The following DNAJC10 variants were observed in gnomAD, a reference collection of about 807,000 sequenced individuals.
The protein encoded by DNAJC10 is endoplasmic reticulum disulfide reductase DNAJC10.
In DNAJC10, 101 loss-of-function variants were observed where a neutral mutation model predicts 115.0. The observed-to-expected ratio is 0.88, with a 90% CI of 0.75 to 1.04. DNAJC10 has a LOEUF of 1.04. Among genes scored for constraint, DNAJC10 ranks in the 50% least tolerant of loss-of-function variants. The probability of loss-of-function intolerance (pLI) is 0.00; values close to 1 mark genes in which losing one functional copy is unlikely to be tolerated. For synonymous variants in DNAJC10, 307 were observed against 301.5 expected (o/e 1.02, Z -0.19); for missense variants, 981 against 928.8 (o/e 1.06, Z -0.73).
chr2:182,786,822 A>T lies in DNAJC10; in HGVS notation c.*9690A>T, dbSNP rs900455667. On this transcript the variant is annotated 3_prime_UTR_variant, in exon 24 of 24. Transcript: ENST00000264065. ...ATCCCCTCCTGCTCTCCCTAAAATT[A>T]TGTTGAAATCCTAACCCCCAAGGTA... is the stretch of plus-strand genomic sequence containing the variant. 1.3e-5 allele frequency: 2 copies of T among 152,188 alleles called. No individual in the cohort carries two copies. The highest frequency in any genetic ancestry group is 4.8e-5 in the African/African-American group (2 of 41,434). The allele number at this position is 152,188 out of a possible 1,614,324, so 9.4% of individuals were successfully genotyped here. A position where few individuals can be genotyped will look rare whatever the true frequency, so the allele number is the denominator to read the frequency against.
intron 9 of DNAJC10, among the ~76,000 whole-genome samples, chr2:182,732,211 A>T (rs1302415612): frequency 2.0e-5 from 3 of 152,014 alleles, no homozygotes; most frequent in African/African-American, 7.2e-5. Flanking sequence ...AGGAGGAGAG[A>T]TTGAGAGTAT....
intron 5 of DNAJC10, among the ~76,000 whole-genome samples, chr2:182,726,333 G>C (rs1296126834): frequency 6.6e-6 from 1 of 151,748 alleles, no homozygotes; most frequent in East Asian, 1.9e-4. Flanking sequence ...GCGGTGAGGA[G>C]TTGTTCCTTA....
chr2:182,722,172 G>A, intron 5 of DNAJC10, 97 bp downstream of exon 5: 4 of 887,272 alleles, frequency 4.5e-6, no homozygotes, highest in Non-Finnish European at 7.0e-6. Flanking sequence ...GAAATCTTTT[G>A]GAGTTTCGAA....
Position 182,786,480 on chromosome 2 carries a change from A to G in DNAJC10, c.*9348A>G, listed in dbSNP as rs956142455. The G allele has an allele frequency of 3.9e-5, 6 of 152,226 alleles. No individual in the cohort carries two copies. Among genetic ancestry groups the G allele is most frequent in the African/African-American group, 1.4e-4 (6 of 41,464 alleles). The allele number at this position is 152,226 out of a possible 1,614,324, so 9.4% of individuals were successfully genotyped here. A position where few individuals can be genotyped will look rare whatever the true frequency, so the allele number is the denominator to read the frequency against. ...TAATTGACTAGAGATTGTCTAGTCA[A>G]ACTAGACTGATGAGGTCTCACCATT... is the stretch of plus-strand genomic sequence containing the variant. On this transcript the variant is annotated 3_prime_UTR_variant, in exon 24 of 24. Transcript: ENST00000264065.
chr2:182,766,813 A>G (rs1441067327), intron 22 of DNAJC10, among the ~76,000 whole-genome samples: 1 of 152,002 alleles, frequency 6.6e-6, no homozygotes, highest in Non-Finnish European at 1.5e-5. Context: ...GGTATAATCT[A>G]AGAACTGTCA....
intron 11 of DNAJC10, among the ~76,000 whole-genome samples, chr2:182,738,547 GT>G (rs576492819): frequency 2.0e-4 from 29 of 146,074 alleles, no homozygotes; most frequent in Non-Finnish European, 2.3e-4. Context: ...GTTTTTTTTG[GT>G]TTTTTTTTTT....
Position 182,779,407 on chromosome 2 carries a change from A to G in DNAJC10, c.*2275A>G, listed in dbSNP as rs1268869721. 6.6e-6 allele frequency: 1 copy of G among 152,170 alleles called. No homozygotes were observed. Among genetic ancestry groups the G allele is most frequent in the African/African-American group, 2.4e-5 (1 of 41,442 alleles). 9.4% of individuals were successfully genotyped at this position (152,170 alleles called of 1,614,324 possible). The stretch of plus-strand genomic sequence containing the variant: ...TATCAATTCTAGCTGACCAAAGCAC[A>G]TTCTATCAGGCAGCCAGGCTTGGAA... On this transcript the variant is annotated 3_prime_UTR_variant, in exon 24 of 24. Transcript: ENST00000264065.
intron 19 of DNAJC10, among the ~76,000 whole-genome samples, 187 bp from the exon 20 acceptor site, chr2:182,758,650 G>A (rs1000422377): frequency 6.6e-6 from 1 of 152,134 alleles, no homozygotes; most frequent in Non-Finnish European, 1.5e-5. Context: ...AAGATACCAA[G>A]ACTAGAGAAA....
chr2:182,789,545 A>G lies in DNAJC10; in HGVS notation c.*12413A>G, dbSNP rs1695012809. The G allele has an allele frequency of 6.6e-6, 1 of 152,152 alleles. No homozygotes were observed. The highest frequency in any genetic ancestry group is 2.4e-5 in the African/African-American group (1 of 41,444). The allele number at this position is 152,152 out of a possible 1,614,324, so 9.4% of individuals were successfully genotyped here. A position where few individuals can be genotyped will look rare whatever the true frequency, so the allele number is the denominator to read the frequency against. The stretch of plus-strand genomic sequence containing the variant: ...CAATTTTCTTCCTTTTTAAGGCTGA[A>G]TAATATTCAATTATATATACATTCT... On this transcript the variant is annotated 3_prime_UTR_variant, in exon 24 of 24. Transcript: ENST00000264065.
intron 14 of DNAJC10, among the ~76,000 whole-genome samples, chr2:182,744,517 T>C (rs940565458): frequency 6.6e-6 from 1 of 152,204 alleles, no homozygotes; most frequent in Admixed American, 6.5e-5. Flanking sequence ...GGTATTTGAA[T>C]TGAGCATAAA....
chr2:182,744,127 T>C (rs1693804782), intron 14 of DNAJC10, among the ~76,000 whole-genome samples: 1 of 152,244 alleles, frequency 6.6e-6, no homozygotes. Context: ...TTATCTTTCT[T>C]GCATTTATAA....
At chr2:182,728,832 C>A in intron 6 of DNAJC10, 31 bp from the exon 7 acceptor site, 2 of 1,612,736 alleles carry the variant, frequency 1.2e-6, no homozygotes, top group Non-Finnish European at 1.7e-6. Flanking sequence ...GTGGTCTTAT[C>A]AGAGAAATAT....
chr2:182,758,799 A>G (rs768142722), intron 19 of DNAJC10, 38 bp from the exon 20 acceptor site: 2 of 1,413,856 alleles, frequency 1.4e-6, no homozygotes, highest in Admixed American at 3.4e-5. Flanking sequence ...CCAATAATAG[A>G]GAATCCTATT....
Position 182,733,949 on chromosome 2 carries a change from T to C in DNAJC10, c.849+1407T>C, listed in dbSNP as rs1403910966. 3.3e-5 allele frequency among the ~76,000 whole-genome samples: 5 copies of C among 151,536 alleles called. No individual in the cohort carries two copies. The East Asian group carries it at 5.8e-4, about 18-fold the overall frequency. On this transcript the variant is annotated intron_variant, in intron 10 of 23. Transcript: ENST00000264065. Reference sequence around the variant, plus strand: ...ATCCTATTTTTTTATATCTGTAGTATCTATAGTGATGTTCTTTCTTACTTT... The same window carrying C: ...ATCCTATTTTTTTATATCTGTAGTACCTATAGTGATGTTCTTTCTTACTTT...
At chr2:182,775,458 G>C (rs754138855) in intron 23 of DNAJC10, 38 bp downstream of exon 23, 1 of 1,435,962 alleles carries the variant, frequency 7.0e-7, no homozygotes, top group Non-Finnish European at 9.7e-7. Context: ...GGCAAAAGTT[G>C]GCAAAAGTTA....
chr2:182,767,237 A>C (rs1172274729), intron 22 of DNAJC10, among the ~76,000 whole-genome samples: 1 of 152,170 alleles, frequency 6.6e-6, no homozygotes, highest in Non-Finnish European at 1.5e-5. Context: ...TAGCGTTAAT[A>C]AAATGACCTT....
At chr2:182,756,515 T>A in intron 18 of DNAJC10, 46 bp downstream of exon 18, 1 of 1,548,020 alleles carries the variant, frequency 6.5e-7, no homozygotes. Context: ...TTACTAAGAA[T>A]GTTTATTTAA....
chr2:182,720,311 A>G, intron 4 of DNAJC10, 142 bp downstream of exon 4: 1 of 674,458 alleles, frequency 1.5e-6, no homozygotes, highest in Non-Finnish European at 2.5e-6. Context: ...TGAAATTTAA[A>G]AGGAATGTCA....
At chr2:182,736,674 A>G (rs1431571249) in intron 11 of DNAJC10, among the ~76,000 whole-genome samples, 2 of 152,204 alleles carry the variant, frequency 1.3e-5, no homozygotes, top group Non-Finnish European at 2.9e-5. Flanking sequence ...TTTAAACCCC[A>G]AAAGTATGGA....
Sources: allele counts gnomAD v4.1 joint callset (sites outside exome capture counted in the v4.1 genomes callset), GRCh38; gene constraint gnomAD v4.1.1; transcripts MANE v1.5; gene names NCBI Gene and HGNC (gene_info 2026-07-23, HGNC 2026-07-21).